The following THSD7A variants were observed in gnomAD, a reference collection of about 807,000 sequenced individuals.
The protein encoded by THSD7A is thrombospondin type-1 domain-containing protein 7A.
Under a neutral mutation model 231.3 loss-of-function variants are expected in THSD7A, and 96 were observed. The ratio of observed to expected loss-of-function variants is 0.41; its 90% CI spans 0.35 to 0.49. The LOEUF is 0.49. Among genes scored for constraint, THSD7A ranks in the 20% least tolerant of loss-of-function variants. THSD7A has a pLI of 0.05. For synonymous variants in THSD7A, 940 were observed against 743.3 expected (o/e 1.26, Z -4.30); for missense variants, 2,290 against 2,070.2 (o/e 1.11, Z -2.06).
At position 11,590,670 on chromosome 7, in the gene THSD7A, AC is replaced by A. The variant is rs1329897509; in HGVS notation, c.1272-30del. The A allele has an allele frequency of 6.4e-7, 1 of 1,570,170 alleles. No homozygotes were observed. The highest frequency in any genetic ancestry group is 1.2e-5 in the South Asian group (1 of 84,870). On this transcript the variant is annotated intron_variant, in intron 3 of 27. Transcript: ENST00000423059. This position sits in a 1 kb window ranked among gnomAD's most constrained non-coding sequence, Gnocchi z 4.4. ...AATAAAGACAACACCACCAGCAGCA[AC>A]CATAATTATTGAATGACGTGTTTCT...
At chr7:11,524,777 A>G (rs749231689) in intron 6 of THSD7A, among the ~76,000 whole-genome samples, 2 of 152,204 alleles carry the variant, frequency 1.3e-5, no homozygotes, top group Admixed American at 6.6e-5. Context: ...GAGGAAGGGT[A>G]AAAGTGGAAA....
At chr7:11,828,982 T>C (rs1342690691) in intron 1 of THSD7A, among the ~76,000 whole-genome samples, 1 of 152,126 alleles carries the variant, frequency 6.6e-6, no homozygotes, top group Non-Finnish European at 1.5e-5. Context: ...TTTATGATGA[T>C]CCAGTTCCAT....
At chr7:11,542,924 G>C in intron 5 of THSD7A, 38 bp downstream of exon 5, 4 of 1,584,240 alleles carry the variant, frequency 2.5e-6, no homozygotes, top group Middle Eastern at 3.4e-4. Flanking sequence ...TGATACAATT[G>C]GTGGGTATAA....
intron 1 of THSD7A, among the ~76,000 whole-genome samples, chr7:11,724,199 T>C (rs1781466528): frequency 6.6e-6 from 1 of 151,944 alleles, no homozygotes; most frequent in Admixed American, 6.6e-5. Flanking sequence ...CATAAAAGAA[T>C]GTAGCTGCTA....
At chr7:11,401,304 C>G (rs890188814) in intron 23 of THSD7A, among the ~76,000 whole-genome samples, 4 of 152,172 alleles carry the variant, frequency 2.6e-5, no homozygotes, top group African/African-American at 7.2e-5. Flanking sequence ...AAAACTCACA[C>G]CTTATTTATG....
intron 2 of THSD7A, among the ~76,000 whole-genome samples, chr7:11,623,279 A>T (rs1382759530): frequency 1.3e-5 from 2 of 152,142 alleles, no homozygotes; most frequent in African/African-American, 2.4e-5. Context: ...TCCTCTTCCC[A>T]CTTAGGGCGG....
chr7:11,417,470 G>T lies in THSD7A; in HGVS notation c.3517C>A (p.Pro1173Thr). The change falls in exon 17 of 28, where the codon CCA becomes ACA. Residue 1173 changes from proline (P) to threonine (T), a missense_variant. Coordinates refer to ENST00000423059, the MANE Select transcript of THSD7A (RefSeq NM_015204.3). ...PEDCVISEWG[P>T]WTQCVLPCNQ... is the part of the protein sequence containing the mutation. ...CTCACCAAAACACATTGGGTCCATG[G>T]ACCCCATTCAGATATCACACAGTCC... 1 of 1,605,400 alleles carries T rather than the reference G, an allele frequency of 6.2e-7. No individual in the cohort carries two copies. The highest frequency in any genetic ancestry group is 2.2e-5 in the East Asian group (1 of 44,698).
chr7:11,767,252 C>G (rs1339173876), intron 1 of THSD7A, among the ~76,000 whole-genome samples: 5 of 152,114 alleles, frequency 3.3e-5, no homozygotes, highest in Non-Finnish European at 5.9e-5. Flanking sequence ...AAACCTTGTA[C>G]CAGAATCCCA....
At chr7:11,396,929 C>G (rs1783209037) in intron 23 of THSD7A, among the ~76,000 whole-genome samples, 1 of 152,156 alleles carries the variant, frequency 6.6e-6, no homozygotes, top group Non-Finnish European at 1.5e-5. Flanking sequence ...AAAGCTTATC[C>G]ACCATGATCA....
chr7:11,543,821 T>C (rs1789255494), intron 4 of THSD7A, among the ~76,000 whole-genome samples: 1 of 152,210 alleles, frequency 6.6e-6, no homozygotes, highest in African/African-American at 2.4e-5. Flanking sequence ...TTTTTTGTTT[T>C]TTTTATGCCT....
chr7:11,495,590 C>A (rs945466255), intron 6 of THSD7A, among the ~76,000 whole-genome samples: 2 of 152,018 alleles, frequency 1.3e-5, no homozygotes, highest in African/African-American at 4.8e-5. Flanking sequence ...TATCTTCTAG[C>A]ATCGTATGCC....
intron 1 of THSD7A, among the ~76,000 whole-genome samples, chr7:11,648,231 G>C (rs1252681658): frequency 6.6e-6 from 1 of 152,006 alleles, no homozygotes. Flanking sequence ...TTATCCTTTA[G>C]AGCCATAACA....
Position 11,676,882 on chromosome 7 carries a change from A to G in THSD7A, c.191-39921T>C, listed in dbSNP as rs548650972. On this transcript the variant is annotated intron_variant, in intron 1 of 27. Transcript: ENST00000423059. Reference sequence around the variant, plus strand: ...ACAGGAGAATTTCTTCAACCTAGCAAGACAGGCCAACATTCAAATTCAGGA... The same window carrying G: ...ACAGGAGAATTTCTTCAACCTAGCAGGACAGGCCAACATTCAAATTCAGGA... Among the ~76,000 whole-genome samples, 8 of 152,320 alleles carry G rather than the reference A, an allele frequency of 5.3e-5. No individual in the cohort carries two copies. The East Asian group carries it at 1.5e-3, about 29-fold the overall frequency.
chr7:11,761,263 A>G (rs1340830556), intron 1 of THSD7A, among the ~76,000 whole-genome samples: 3 of 152,040 alleles, frequency 2.0e-5, no homozygotes, highest in Admixed American at 1.3e-4. Flanking sequence ...AACAGATATA[A>G]AAATCAATAC....
intron 6 of THSD7A, among the ~76,000 whole-genome samples, chr7:11,540,493 T>C (rs1789099178): frequency 6.6e-6 from 1 of 152,244 alleles, no homozygotes; most frequent in Admixed American, 6.5e-5. Flanking sequence ...CCAGGGTGTT[T>C]CTGCACATGC....
At chr7:11,794,866 G>A (rs748809756) in intron 1 of THSD7A, among the ~76,000 whole-genome samples, 3 of 151,830 alleles carry the variant, frequency 2.0e-5, no homozygotes, top group East Asian at 1.9e-4. Context: ...TTTTCCAACT[G>A]AGCTATATTT....
chr7:11,754,249 A>C (rs1005851073), intron 1 of THSD7A, among the ~76,000 whole-genome samples: 1 of 152,060 alleles, frequency 6.6e-6, no homozygotes, highest in Non-Finnish European at 1.5e-5. Context: ...AATATCAATA[A>C]AGAGACTGAA....
intron 1 of THSD7A, among the ~76,000 whole-genome samples, chr7:11,787,729 T>C (rs1783834785): frequency 6.6e-6 from 1 of 152,004 alleles, no homozygotes; most frequent in East Asian, 1.9e-4. Context: ...TTAGAATAAC[T>C]AGAATTCAAA....
At chr7:11,430,213 A>G (rs1233037291) in intron 13 of THSD7A, among the ~76,000 whole-genome samples, 2 of 152,174 alleles carry the variant, frequency 1.3e-5, no homozygotes, top group African/African-American at 4.8e-5. Flanking sequence ...AAATTTATGG[A>G]GATATAATTC....
Sources: gnomAD v4.1 joint callset for allele counts (sites outside exome capture counted in the v4.1 genomes callset) on GRCh38, gnomAD v4.1.1 for gene constraint, Gnocchi (gnomAD v3.1) non-coding constraint, MANE v1.5 for transcripts, NCBI Gene and HGNC (gene_info 2026-07-23, HGNC 2026-07-21) for gene names.